The following CAPN14 variants were observed in gnomAD, a reference collection of about 807,000 sequenced individuals.
CAPN14 encodes the protein calpain 14.
CAPN14 carries 94 observed loss-of-function variants against 101.3 expected under a neutral mutation model. The ratio of observed to expected loss-of-function variants is 0.93; its 90% confidence interval spans 0.79 to 1.10. The LOEUF (loss-of-function observed/expected upper bound fraction) is 1.10, where lower values mean the gene tolerates loss of function less well. Ranked by LOEUF, CAPN14 falls within the 50% of genes least tolerant of loss-of-function variation. CAPN14 has a pLI of 0.00. For missense variants in CAPN14, 837 were observed against 828.4 expected, an observed-to-expected ratio of 1.01 and a Z score of -0.13; for synonymous variants, 338 against 317.9, an observed-to-expected ratio of 1.06 and a Z score of -0.67.
intron 12 of CAPN14, 51 bp downstream of exon 12, chr2:31,191,348 A>G: frequency 6.6e-7 from 1 of 1,526,316 alleles, no homozygotes. Context: ...AGGCTTGGCC[A>G]CATGTGATGT....
intron 11 of CAPN14, 41 bp from the exon 12 acceptor site, chr2:31,191,448 GGA>G: frequency 1.4e-6 from 2 of 1,444,214 alleles, no homozygotes; most frequent in Non-Finnish European, 1.9e-6. Context: ...AAAAAAAAGA[GGA>G]GAGAGAGATC....
chr2:31,203,336 G>A (rs928860520), intron 2 of CAPN14, among the ~76,000 whole-genome samples, 197 bp from the exon 3 acceptor site: 11 of 152,090 alleles, frequency 7.2e-5, no homozygotes, highest in Non-Finnish European at 1.3e-4. Context: ...CTTATAGCTC[G>A]TGTAAGTCAG....
At chr2:31,196,285 A>G (rs1465296157) in intron 8 of CAPN14, among the ~76,000 whole-genome samples, 1 of 152,222 alleles carries the variant, frequency 6.6e-6, no homozygotes, top group East Asian at 1.9e-4. Context: ...CTGTAATTGT[A>G]CCCATCATCT....
chr2:31,198,025 A>C (rs1185574337), intron 7 of CAPN14, among the ~76,000 whole-genome samples: 1 of 152,210 alleles, frequency 6.6e-6, no homozygotes, highest in Non-Finnish European at 1.5e-5. Flanking sequence ...CTAGGAAACC[A>C]GTAGACCTTG....
chr2:31,219,613 G>A (rs75451716), upstream of CAPN14, among the ~76,000 whole-genome samples: 1,275 of 152,290 alleles, frequency 8.4e-3, 19 homozygotes, highest in African/African-American at 0.029. Flanking sequence ...CAGTAGAACC[G>A]GAGCACTTGC....
At position 31,181,431 on chromosome 2, in the gene CAPN14, T is replaced by TTTCTTTCTTTCTTTCC. The variant is rs1558612430; in HGVS notation, c.1646-432_1646-431insGGAAAGAAAGAAAGAA. On this transcript the variant is annotated intron_variant, in intron 16 of 21. Coordinates refer to ENST00000403897, the MANE Select transcript of CAPN14 (RefSeq NM_001145122.2). ...CTTTCTTTCTTTCTTTCTTTCTTTC[T>TTTCTTTCTTTCTTTCC]TTCTTTCTTTCTTTTTCTTTCTTTT... Among the ~76,000 whole-genome samples the TTTCTTTCTTTCTTTCC allele has an allele frequency of 1.8e-3, 262 of 148,610 alleles. 5 individuals carry two copies. The highest frequency in any genetic ancestry group is 6.2e-3 in the African/African-American group (248 of 40,088).
intron 1 of CAPN14, among the ~76,000 whole-genome samples, chr2:31,209,048 C>T (rs367669888): frequency 3.2e-4 from 49 of 152,228 alleles, no homozygotes; most frequent in African/African-American, 1.2e-3. Context: ...CAGCTTACTA[C>T]AGCCTTGAAC....
At chr2:31,200,174 T>C (rs574064107) in intron 6 of CAPN14, among the ~76,000 whole-genome samples, 16 of 152,228 alleles carry the variant, frequency 1.1e-4, no homozygotes, top group African/African-American at 3.9e-4. Flanking sequence ...CGGCTAATTT[T>C]TGCATTTTTC....
At chr2:31,178,785 C>A (rs758875633) in intron 17 of CAPN14, among the ~76,000 whole-genome samples, 1 of 151,924 alleles carries the variant, frequency 6.6e-6, no homozygotes, top group Non-Finnish European at 1.5e-5. Context: ...CAGAATGAGC[C>A]CAGAGCACAG....
At position 31,205,264 on chromosome 2, in the gene CAPN14, G is replaced by A; in HGVS notation, c.184C>T (p.Leu62=). 6.5e-7 allele frequency: 1 copy of A among 1,549,976 alleles called. No individual in the cohort carries two copies. Among genetic ancestry groups the A allele is most frequent in the Non-Finnish European group, 8.7e-7 (1 of 1,146,998 alleles). ...TGCAGGCGGGGTGGCAGCTTCTGCAGCAGGGAGCCACTGCCGATGGAGCTC... is the reference window on the plus strand; with the variant it reads ...TGCAGGCGGGGTGGCAGCTTCTGCAACAGGGAGCCACTGCCGATGGAGCTC... ...TLSSIGSGSL[L]QKLPPRLQWK... is the part of the protein sequence containing the mutation. The change falls in exon 2 of 22, where the codon CTG becomes TTG. Residue 62 remains leucine (L), a synonymous_variant. Coordinates refer to ENST00000403897, the MANE Select transcript of CAPN14 (RefSeq NM_001145122.2).
intron 5 of CAPN14, 60 bp from the exon 6 acceptor site, chr2:31,200,685 T>C (rs1017185302): frequency 4.2e-6 from 6 of 1,441,624 alleles, no homozygotes; most frequent in South Asian, 1.4e-5. Flanking sequence ...TATAATTTTA[T>C]GTGGCCTCGG....
rs145782047 is a variant in CAPN14 at position 31,187,199 on chromosome 2, G to C, written c.1587+559C>G. Among the ~76,000 whole-genome samples, 822 of 152,224 alleles carry C rather than the reference G, an allele frequency of 5.4e-3. 12 individuals carry two copies. Among genetic ancestry groups the C allele is most frequent in the African/African-American group, 0.019 (784 of 41,530 alleles). ...CCTAAGTGTCTTGCAGGTTAGGAGA[G>C]CATGGCCTCCAGAGCCCCGCACTCA... is the stretch of plus-strand genomic sequence containing the variant. On this transcript the variant is annotated intron_variant, in intron 15 of 21. Coordinates refer to ENST00000403897, the MANE Select transcript of CAPN14 (RefSeq NM_001145122.2).
In CAPN14 at chr2:31,193,168, C is replaced by T; in HGVS notation, c.1077G>A (p.Lys359=). Residue 359 remains lysine, a synonymous_variant, in exon 10 of 22, where the codon AAG becomes AAA. Coordinates refer to ENST00000403897, the MANE Select transcript of CAPN14 (RefSeq NM_001145122.2). ...TYTMREGRWE[K]RSTAGGQRQL... Reference sequence around the variant, plus strand: ...GCCTCTGGCCACCAGCTGTGCTCCGCTTCTCCCATCTCCCCTCCCGCATGG... The same window carrying T: ...GCCTCTGGCCACCAGCTGTGCTCCGTTTCTCCCATCTCCCCTCCCGCATGG... 1.3e-6 allele frequency: 2 copies of T among 1,551,380 alleles called. No homozygotes were observed. Among genetic ancestry groups the T allele is most frequent in the South Asian group, 2.4e-5 (2 of 84,052 alleles).
At chr2:31,222,840 G>T (rs1474780954) in intron 2 of CAPN14, among the ~76,000 whole-genome samples, 1 of 152,194 alleles carries the variant, frequency 6.6e-6, no homozygotes, top group Non-Finnish European at 1.5e-5. Flanking sequence ...CTGACCCCCA[G>T]TGTGATCACA....
chr2:31,226,222 C>G lies in CAPN14; in HGVS notation c.-53+306G>C, dbSNP rs963905470. Among the ~76,000 whole-genome samples the G allele has an allele frequency of 4.6e-5, 7 of 152,118 alleles. No homozygotes were observed. In the South Asian group the frequency reaches 1.2e-3, roughly 27 times the overall value. The stretch of plus-strand genomic sequence containing the variant: ...ATTATCACCCCAAACTTTAATACCC[C>G]ACTTTGTCTGCCTGTGTATTTTTAA... On this transcript the variant is annotated intron_variant and NMD_transcript_variant, in intron 2 of 21. Coordinates refer to the CAPN14 transcript ENST00000398824.
chr2:31,200,955 C>T (rs1417290769), intron 5 of CAPN14, among the ~76,000 whole-genome samples: 2 of 152,166 alleles, frequency 1.3e-5, no homozygotes, highest in Non-Finnish European at 2.9e-5. Flanking sequence ...TGCCTGCTTG[C>T]TTTGAACCCA....
At chr2:31,190,416 A>G (rs759545442) in intron 12 of CAPN14, among the ~76,000 whole-genome samples, 2 of 152,216 alleles carry the variant, frequency 1.3e-5, no homozygotes, top group Non-Finnish European at 2.9e-5. Flanking sequence ...GAACTAGGGA[A>G]TCATCCAATT....
intron 1 of CAPN14, among the ~76,000 whole-genome samples, chr2:31,213,801 T>A (rs1325524176): frequency 1.3e-5 from 2 of 152,246 alleles, no homozygotes; most frequent in African/African-American, 4.8e-5. Context: ...CAGACATTCC[T>A]GGGCAGTTTT....
At chr2:31,195,940 T>C (rs72859310) in intron 8 of CAPN14, among the ~76,000 whole-genome samples, 4,784 of 152,142 alleles carry the variant, frequency 0.031, 244 homozygotes, top group African/African-American at 0.1. Flanking sequence ...TGACCTGGAA[T>C]AAAGAAACAG....
Sources: allele counts gnomAD v4.1 joint callset (sites outside exome capture counted in the v4.1 genomes callset), GRCh38; gene constraint gnomAD v4.1.1; transcripts MANE v1.5; gene names NCBI Gene and HGNC (gene_info 2026-07-23, HGNC 2026-07-21).